IGSF21: variants seen among roughly 807,000 people sequenced by gnomAD.
IGSF21 encodes the protein immunoglobin superfamily member 21.
IGSF21 carries 28 observed loss-of-function variants against 46.8 expected under a neutral mutation model. The ratio of observed to expected loss-of-function variants is 0.60; its 90% confidence interval spans 0.44 to 0.82. IGSF21 has a LOEUF of 0.82. IGSF21 is among the 40% of genes least tolerant of loss of function. The probability of loss-of-function intolerance (pLI) is 0.00; values close to 1 mark genes in which losing one functional copy is unlikely to be tolerated. For missense variants in IGSF21, 624 were observed against 665.5 expected (o/e 0.94, Z 0.69); for synonymous variants, 284 against 273.6 (o/e 1.04, Z -0.38).
Position 18,108,062 on chromosome 1 carries a change from G to A in IGSF21, c.-67G>A. ...AGGCAGGAGCGCGTCTGAGCCCATG[G>A]CGAGGGGACCCGCCGCCACCGCCTC... On this transcript the variant is annotated 5_prime_UTR_variant, in exon 1 of 10. Coordinates refer to ENST00000251296, the MANE Select transcript of IGSF21 (RefSeq NM_032880.5). The A allele has an allele frequency of 1.3e-6, 1 of 746,068 alleles. No individual in the cohort carries two copies. The allele number at this position is 746,068 out of a possible 1,614,324, so 46.2% of individuals were successfully genotyped here.
intron 1 of IGSF21, among the ~76,000 whole-genome samples, chr1:18,200,048 TCTC>T (rs1248308845): frequency 6.6e-6 from 1 of 152,132 alleles, no homozygotes; most frequent in African/African-American, 2.4e-5. Flanking sequence ...TTCTGCTGCT[TCTC>T]CTGCTGGCTG....
chr1:18,271,897 A>G (rs2085046341), intron 2 of IGSF21, among the ~76,000 whole-genome samples: 2 of 152,120 alleles, frequency 1.3e-5, no homozygotes, highest in Admixed American at 6.5e-5. Context: ...GTGGCTCGTG[A>G]TGGACCAACA....
intron 4 of IGSF21, among the ~76,000 whole-genome samples, chr1:18,343,269 C>A (rs1173150663): frequency 3.3e-5 from 5 of 152,054 alleles, no homozygotes; most frequent in Admixed American, 6.5e-5. Flanking sequence ...CTACTCAGAG[C>A]CTTTGGTCAT....
chr1:18,252,010 A>G (rs1569635316), intron 2 of IGSF21, among the ~76,000 whole-genome samples: 1 of 149,832 alleles, frequency 6.7e-6, no homozygotes, highest in African/African-American at 2.5e-5. Flanking sequence ...CTGATTTCAC[A>G]AGGTCAATAG....
chr1:18,365,799 G>A lies in IGSF21; in HGVS notation c.1015+102G>A, dbSNP rs2086159634. On this transcript the variant is annotated intron_variant, in intron 6 of 9. Transcript: ENST00000251296. This position sits in a 1 kb window ranked among gnomAD's most constrained non-coding sequence, Gnocchi z 4.8. ...GGCTGAGGACAGCCATGGAAAGGGG[G>A]AGGAGATGGAGCAAACTGGAGTCAG... The A allele has an allele frequency of 3.2e-6, 3 of 949,438 alleles. No homozygotes were observed. The highest frequency in any genetic ancestry group is 1.7e-5 in the South Asian group (1 of 59,088). The allele number at this position is 949,438 out of a possible 1,614,324, so 58.8% of individuals were successfully genotyped here.
chr1:18,224,607 C>A (rs1270856677), intron 1 of IGSF21, among the ~76,000 whole-genome samples: 2 of 152,198 alleles, frequency 1.3e-5, no homozygotes. Flanking sequence ...TCCCCATTGC[C>A]TACAACGGTG....
intron 3 of IGSF21, among the ~76,000 whole-genome samples, chr1:18,311,040 G>T (rs1327679705): frequency 6.6e-6 from 1 of 152,156 alleles, no homozygotes; most frequent in Non-Finnish European, 1.5e-5. Flanking sequence ...TCCAAATCAG[G>T]TTACATCCAC....
At chr1:18,328,887 G>T (rs560942308) in intron 3 of IGSF21, among the ~76,000 whole-genome samples, 2 of 152,288 alleles carry the variant, frequency 1.3e-5, no homozygotes, top group East Asian at 3.9e-4. Context: ...CTGTAAACTC[G>T]TGTGGGGCGT....
At chr1:18,270,600 A>T (rs2085033160) in intron 2 of IGSF21, among the ~76,000 whole-genome samples, 1 of 152,130 alleles carries the variant, frequency 6.6e-6, no homozygotes, top group Non-Finnish European at 1.5e-5. Flanking sequence ...CTCTTCTTGG[A>T]TGCTCAGAGC....
At position 18,355,642 on chromosome 1, in the gene IGSF21, T is replaced by A. The variant is rs577469455; in HGVS notation, c.425-6473T>A. ...AAAAAAACTAGAAAGTCAACTGGTTTGATTGGGGGTAGGGGCAGAGATCAG... is the reference window on the plus strand; with the variant it reads ...AAAAAAACTAGAAAGTCAACTGGTTAGATTGGGGGTAGGGGCAGAGATCAG... On this transcript the variant is annotated intron_variant, in intron 4 of 9. Coordinates refer to ENST00000251296, the MANE Select transcript of IGSF21 (RefSeq NM_032880.5). 1.7e-4 allele frequency among the ~76,000 whole-genome samples: 26 copies of A among 152,048 alleles called. 1 individual carries two copies. In the South Asian group the frequency reaches 5.2e-3, roughly 30 times the overall value.
chr1:18,154,926 G>A (rs2086554798), intron 1 of IGSF21, among the ~76,000 whole-genome samples: 1 of 151,968 alleles, frequency 6.6e-6, no homozygotes, highest in Admixed American at 6.5e-5. Flanking sequence ...TGGAGGAAGT[G>A]TGAATCCAGG....
chr1:18,263,809 A>T (rs2084967421), intron 2 of IGSF21, among the ~76,000 whole-genome samples: 1 of 152,156 alleles, frequency 6.6e-6, no homozygotes, highest in Admixed American at 6.5e-5. Flanking sequence ...CATTTTGAGA[A>T]GTCCTGTCTA....
At chr1:18,288,050 G>T (rs753569787) in intron 2 of IGSF21, among the ~76,000 whole-genome samples, 31 of 152,280 alleles carry the variant, frequency 2.0e-4, no homozygotes, top group Middle Eastern at 3.4e-3. Context: ...ACTCTACAAG[G>T]CTCATGTAAT....
intron 2 of IGSF21, among the ~76,000 whole-genome samples, chr1:18,273,039 C>CTTTTTTTTTTTTTTTTTTTT (rs760448516): frequency 1.2e-5 from 1 of 80,722 alleles, no homozygotes; most frequent in Non-Finnish European, 2.4e-5. Context: ...CCAGACGGAT[C>CTTTTTTTTTTTTTTTTTTTT]TTTTTTTTTT....
intron 2 of IGSF21, among the ~76,000 whole-genome samples, chr1:18,236,470 C>G (rs1039002372): frequency 2.6e-5 from 4 of 152,176 alleles, no homozygotes; most frequent in African/African-American, 9.7e-5. Context: ...CAGGGACAGG[C>G]GTCAAGCACT....
At chr1:18,275,222 C>T (rs889809356) in intron 2 of IGSF21, among the ~76,000 whole-genome samples, 7 of 152,302 alleles carry the variant, frequency 4.6e-5, no homozygotes, top group South Asian at 2.1e-4. Context: ...TTAGAAGTTG[C>T]GCTCATGCTC....
chr1:18,281,432 G>C (rs1018620111), intron 2 of IGSF21, among the ~76,000 whole-genome samples: 5 of 152,098 alleles, frequency 3.3e-5, no homozygotes, highest in Admixed American at 1.3e-4. Context: ...CAGTCGTGGT[G>C]GTGGGCACCT....
intron 2 of IGSF21, among the ~76,000 whole-genome samples, chr1:18,247,884 T>C (rs991682386): frequency 1.3e-5 from 2 of 151,476 alleles, no homozygotes; most frequent in African/African-American, 4.9e-5. Context: ...ATTCAAACTC[T>C]GGTGGTTTGG....
chr1:18,298,147 A>C (rs943286917), intron 3 of IGSF21, among the ~76,000 whole-genome samples: 1 of 152,196 alleles, frequency 6.6e-6, no homozygotes, highest in Non-Finnish European at 1.5e-5. Context: ...ACCAGAGCAC[A>C]GTGAATGGGG....
Sources: allele counts gnomAD v4.1 joint callset (sites outside exome capture counted in the v4.1 genomes callset), GRCh38; gene constraint gnomAD v4.1.1; non-coding constraint Gnocchi (gnomAD v3.1); transcripts MANE v1.5; gene names NCBI Gene and HGNC (gene_info 2026-07-23, HGNC 2026-07-21).